IPO9: variants seen among roughly 807,000 people sequenced by gnomAD.
IPO9 encodes importin-9.
Under a neutral mutation model 128.6 loss-of-function variants are expected in IPO9, and 28 were observed. The observed-to-expected ratio is 0.22, with a 90% CI of 0.16 to 0.30. IPO9 has a LOEUF of 0.30. IPO9 is among the 10% of genes least tolerant of loss of function. The pLI, the probability that IPO9 is intolerant of heterozygous loss-of-function variation, is 1.00. For missense variants in IPO9, 935 were observed against 1,293.9 expected, an observed-to-expected ratio of 0.72 and a Z score of 4.26; for synonymous variants, 455 against 475.8, an observed-to-expected ratio of 0.96 and a Z score of 0.57.
chr1:201,836,119 C>CAAAAAAAAAAAAAAAAAAAAAAAAAA, intron 1 of IPO9, among the ~76,000 whole-genome samples: 1 of 55,352 alleles, frequency 1.8e-5, no homozygotes, highest in Non-Finnish European at 3.0e-5. Flanking sequence ...GACTCCATCT[C>CAAAAAAAAAAAAAAAAAAAAAAAAAA]AAAAAAAAAA....
At position 201,855,109 on chromosome 1, in the gene IPO9, T is replaced by C. The variant is rs1453355556; in HGVS notation, c.912-15T>C. The C allele has an allele frequency of 6.5e-7, 1 of 1,549,504 alleles. No homozygotes were observed. Among genetic ancestry groups the C allele is most frequent in the East Asian group, 2.2e-5 (1 of 44,526 alleles). Reference sequence around the variant, plus strand: ...AAGCAGACTCCAAATTCTATTTCTTTACTCTTCATCATACTTATGTGAGGA... The same window carrying C: ...AAGCAGACTCCAAATTCTATTTCTTCACTCTTCATCATACTTATGTGAGGA... On this transcript the variant is annotated splice_polypyrimidine_tract_variant and intron_variant, in intron 8 of 23. Transcript: ENST00000361565.
intron 1 of IPO9, among the ~76,000 whole-genome samples, chr1:201,831,234 G>T (rs933185601): frequency 5.9e-5 from 9 of 152,180 alleles, no homozygotes; most frequent in Non-Finnish European, 1.3e-4. Context: ...AGTCACTGAT[G>T]AGAAATAGAT....
chr1:201,858,238 T>A (rs1252893166), intron 11 of IPO9, among the ~76,000 whole-genome samples: 2 of 152,234 alleles, frequency 1.3e-5, no homozygotes, highest in Non-Finnish European at 2.9e-5. Context: ...AGCCTTACAA[T>A]GCCTAGGCAC....
chr1:201,844,451 A>G (rs964300961), intron 1 of IPO9, among the ~76,000 whole-genome samples: 1 of 152,206 alleles, frequency 6.6e-6, no homozygotes, highest in African/African-American at 2.4e-5. Context: ...AGAAGAAACT[A>G]AGGAGACATG....
rs76208930 is a variant in IPO9 at position 201,881,934 on chromosome 1, C to T, written c.*5880C>T. 0.017 allele frequency: 2,640 copies of T among 152,234 alleles called. 175 individuals carry two copies. Among genetic ancestry groups the T allele is most frequent in the Admixed American group, 0.12 (1,760 of 15,288 alleles). The allele number at this position is 152,234 out of a possible 1,614,324, so 9.4% of individuals were successfully genotyped here. ...TTAAAGACTGACAAGTAAGGATTTTCCAAAAGTGAGAGCTGTGGAATGAAT... is the reference window on the plus strand; with the variant it reads ...TTAAAGACTGACAAGTAAGGATTTTTCAAAAGTGAGAGCTGTGGAATGAAT... On this transcript the variant is annotated 3_prime_UTR_variant, in exon 24 of 24. Coordinates refer to ENST00000361565, the MANE Select transcript of IPO9 (RefSeq NM_018085.5).
intron 13 of IPO9, among the ~76,000 whole-genome samples, chr1:201,860,588 T>C (rs1680424447): frequency 6.6e-6 from 1 of 152,200 alleles, no homozygotes; most frequent in East Asian, 1.9e-4. Flanking sequence ...TTTTAGAATA[T>C]TTGTTATTTA....
chr1:201,842,670 G>A (rs937319079), intron 1 of IPO9, among the ~76,000 whole-genome samples: 3 of 152,112 alleles, frequency 2.0e-5, no homozygotes, highest in African/African-American at 4.8e-5. Flanking sequence ...TTGGGTCTTC[G>A]AACCCTGATC....
intron 16 of IPO9, among the ~76,000 whole-genome samples, chr1:201,869,115 G>T (rs553205480): frequency 6.6e-6 from 1 of 152,180 alleles, no homozygotes; most frequent in Non-Finnish European, 1.5e-5. Context: ...GCCGGGCATG[G>T]TGGCAGGCAT....
intron 10 of IPO9, 35 bp from the exon 11 acceptor site, chr1:201,857,061 G>T: frequency 1.6e-6 from 2 of 1,212,728 alleles, no homozygotes; most frequent in South Asian, 1.2e-5. Flanking sequence ...GAATCAGATT[G>T]GCAGCATCAC....
intron 9 of IPO9, 71 bp from the exon 10 acceptor site, chr1:201,855,711 GT>G: frequency 7.5e-7 from 1 of 1,337,756 alleles, no homozygotes; most frequent in Non-Finnish European, 1.0e-6. Context: ...AGGTTATGTA[GT>G]TCATTTTCTG....
chr1:201,834,326 T>G (rs188538209), intron 1 of IPO9, among the ~76,000 whole-genome samples: 1 of 152,114 alleles, frequency 6.6e-6, no homozygotes, highest in Admixed American at 6.5e-5. Context: ...ACTGGAGAGG[T>G]TATGAACCAC....
chr1:201,866,976 G>A lies in IPO9; in HGVS notation c.1855+17G>A. ...ACAGTAATGGTATGCTGCCAGGGAG[G>A]ATGTATTATGAGGGGCACCAAAGAA... On this transcript the variant is annotated intron_variant, in intron 15 of 23. Coordinates refer to ENST00000361565, the MANE Select transcript of IPO9 (RefSeq NM_018085.5). 1 of 1,590,876 alleles carries A rather than the reference G, an allele frequency of 6.3e-7. No homozygotes were observed. The highest frequency in any genetic ancestry group is 8.6e-7 in the Non-Finnish European group (1 of 1,158,834).
Position 201,870,732 on chromosome 1 carries a change from C to G in IPO9, c.2283C>G (p.Ala761=). The part of the protein sequence containing the change: ...LDPRTSEFTA[A]FVGRLVSTLI... ...CCCGCACCTCAGAGTTCACTGCGGC[C>G]TTTGTGGGCCGCCTTGTTTCCACCC... Residue 761 remains alanine (A), a synonymous_variant, in exon 18 of 24, where the codon GCC becomes GCG. Coordinates refer to ENST00000361565, the MANE Select transcript of IPO9 (RefSeq NM_018085.5). This position sits in a 1 kb window ranked among gnomAD's most constrained non-coding sequence, Gnocchi z 4.9. The G allele has an allele frequency of 6.2e-7, 1 of 1,614,184 alleles. No individual in the cohort carries two copies. Among genetic ancestry groups the G allele is most frequent in the South Asian group, 1.1e-5 (1 of 91,086 alleles).
intron 14 of IPO9, 81 bp downstream of exon 14, chr1:201,863,688 A>T: frequency 7.7e-7 from 1 of 1,304,348 alleles, no homozygotes; most frequent in Non-Finnish European, 1.0e-6. Context: ...CCAGTGTATT[A>T]TGTTGCTTGG....
rs1680934303 is a variant in IPO9 at position 201,883,834 on chromosome 1, C to T, written c.*7780C>T. The T allele has an allele frequency of 6.6e-6, 1 of 152,262 alleles. No homozygotes were observed. 9.4% of individuals were successfully genotyped at this position (152,262 alleles called of 1,614,324 possible). A position where few individuals can be genotyped will look rare whatever the true frequency, so the allele number is the denominator to read the frequency against. On this transcript the variant is annotated 3_prime_UTR_variant, in exon 24 of 24. Transcript: ENST00000361565. ...ATATCCCTCGTCAGCTCCGCTGACT[C>T]ATCCCTGCCACAGGGAGGTTCACAG...
Position 201,829,326 on chromosome 1 carries a change from G to T in IPO9, c.117G>T (p.Val39=), listed in dbSNP as rs772346388. The T allele has an allele frequency of 6.3e-7, 1 of 1,592,368 alleles. No individual in the cohort carries two copies. The highest frequency in any genetic ancestry group is 2.3e-5 in the East Asian group (1 of 43,602). ...LTGILSPVQE[V]RAAAEEQIKV... ...GGATCCTATCCCCAGTACAGGAGGT[G>T]CGGGCGGCTGCTGAAGAACAGATTA... is the stretch of plus-strand genomic sequence containing the variant. The change falls in exon 1 of 24, where the codon GTG becomes GTT. Residue 39 remains valine, a synonymous_variant. Transcript: ENST00000361565.
chr1:201,859,339 A>G (rs1335117426), intron 13 of IPO9, among the ~76,000 whole-genome samples: 1 of 151,784 alleles, frequency 6.6e-6, no homozygotes, highest in Non-Finnish European at 1.5e-5. Context: ...CCTCTAAAAC[A>G]GCCCAGAGGC....
chr1:201,832,217 C>T (rs1286832684), intron 1 of IPO9, among the ~76,000 whole-genome samples: 2 of 151,490 alleles, frequency 1.3e-5, no homozygotes, highest in Non-Finnish European at 2.9e-5. Context: ...TTAGTTTTAC[C>T]CTGGTAGAAG....
In IPO9 at chr1:201,870,684, A is replaced by T. The variant is rs1018815260; in HGVS notation, c.2235A>T (p.Gln745His). The T allele has an allele frequency of 6.2e-7, 1 of 1,614,088 alleles. No homozygotes were observed. The highest frequency in any genetic ancestry group is 8.5e-7 in the Non-Finnish European group (1 of 1,180,030). Residue 745 changes from glutamine (Q) to histidine (H), a missense_variant, in exon 18 of 24, where the codon CAA (glutamine) becomes CAT (histidine). Around this residue, in one of 3 missense-constraint regions of IPO9, gnomAD observed 741 missense variants for 1,019.1 expected, o/e 0.73. Transcript: ENST00000361565. This position sits in a 1 kb window ranked among gnomAD's most constrained non-coding sequence, Gnocchi z 4.9. The part of the protein sequence containing the change: ...QGHNGLWYVM[Q>H]VVSQLLDPRT... The stretch of plus-strand genomic sequence containing the variant: ...ACAATGGACTGTGGTATGTGATGCA[A>T]GTGGTGAGCCAGCTCCTGGACCCCC...
Sources: gnomAD v4.1 joint callset for allele counts (sites outside exome capture counted in the v4.1 genomes callset) on GRCh38, gnomAD v4.1.1 for gene constraint, gnomAD v4.1.1 regional missense constraint, Gnocchi (gnomAD v3.1) non-coding constraint, MANE v1.5 for transcripts, NCBI Gene and HGNC (gene_info 2026-07-23, HGNC 2026-07-21) for gene names.